Variants in CNTNAP2 observed in about 807,000 individuals in gnomAD.
CNTNAP2 encodes the protein contactin-associated protein-like 2.
CNTNAP2 carries 98 observed loss-of-function variants against 155.2 expected under a neutral mutation model. The ratio of observed to expected loss-of-function variants is 0.63; its 90% CI spans 0.54 to 0.75. The LOEUF is 0.75. Ranked by LOEUF, CNTNAP2 falls within the 30% of genes least tolerant of loss-of-function variation. The pLI, the probability that CNTNAP2 is intolerant of heterozygous loss-of-function variation, is 0.00. For missense variants in CNTNAP2, 1,727 were observed against 1,688.1 expected (o/e 1.02, Z -0.40); for synonymous variants, 651 against 631.2 (o/e 1.03, Z -0.47).
chr7:147,589,442 T>G (rs1422249442), intron 12 of CNTNAP2, among the ~76,000 whole-genome samples: 1 of 152,188 alleles, frequency 6.6e-6, no homozygotes, highest in East Asian at 1.9e-4. Flanking sequence ...GTCAATAATA[T>G]GCTGAACTTA....
At chr7:146,656,537 TTTGTC>T (rs1375516746) in intron 1 of CNTNAP2, among the ~76,000 whole-genome samples, 1 of 152,144 alleles carries the variant, frequency 6.6e-6, no homozygotes. Flanking sequence ...CGGATGAGAT[TTTGTC>T]TTTCCCCAGG....
intron 6 of CNTNAP2, among the ~76,000 whole-genome samples, chr7:147,124,850 C>T (rs1274563475): frequency 6.8e-6 from 1 of 147,690 alleles, no homozygotes. Flanking sequence ...TTTGATGTAA[C>T]TCTATGTGGA....
chr7:147,420,998 A>G (rs1797282644), intron 10 of CNTNAP2, among the ~76,000 whole-genome samples: 1 of 152,204 alleles, frequency 6.6e-6, no homozygotes, highest in South Asian at 2.1e-4. Flanking sequence ...AAGTATTGCA[A>G]TGCAGTCTTC....
chr7:148,388,716 G>T (rs1799275134), intron 22 of CNTNAP2, among the ~76,000 whole-genome samples: 1 of 151,984 alleles, frequency 6.6e-6, no homozygotes, highest in Non-Finnish European at 1.5e-5. Context: ...TTTTGGTGTG[G>T]TTGTCCTTTC....
intron 10 of CNTNAP2, among the ~76,000 whole-genome samples, chr7:147,484,591 G>C (rs766176471): frequency 3.3e-5 from 5 of 152,174 alleles, no homozygotes; most frequent in African/African-American, 4.8e-5. Flanking sequence ...ATCAATGTTT[G>C]TTTCAGGAGT....
At chr7:148,288,341 T>C (rs1479501596) in intron 21 of CNTNAP2, among the ~76,000 whole-genome samples, 1 of 149,366 alleles carries the variant, frequency 6.7e-6, no homozygotes. Flanking sequence ...CTTCGTGATC[T>C]GCCCGCCTCA....
intron 13 of CNTNAP2, among the ~76,000 whole-genome samples, chr7:147,875,076 T>A (rs1698672102): frequency 6.6e-6 from 1 of 152,210 alleles, no homozygotes; most frequent in South Asian, 2.1e-4. Context: ...CCTGTCTTCT[T>A]CTGAGCCTTC....
intron 2 of CNTNAP2, among the ~76,000 whole-genome samples, chr7:146,790,760 A>G (rs570592128): frequency 1.3e-4 from 19 of 151,884 alleles, no homozygotes; most frequent in East Asian, 5.9e-4. Context: ...TAGTAGAGGC[A>G]GGGTTTCACC....
rs189700962 is a variant in CNTNAP2 at position 146,953,589 on chromosome 7, C to G, written c.403-90318C>G. On this transcript the variant is annotated intron_variant, in intron 3 of 23. Coordinates refer to ENST00000361727, the MANE Select transcript of CNTNAP2 (RefSeq NM_014141.6). ...TCGAAATAAGCATAAAACAATACCT[C>G]TTGCATCATATATAATCAAACATTA... Among the ~76,000 whole-genome samples, 37 of 152,052 alleles carry G rather than the reference C, an allele frequency of 2.4e-4. 1 individual carries two copies. The South Asian group carries it at 6.8e-3, about 28-fold the overall frequency.
intron 21 of CNTNAP2, among the ~76,000 whole-genome samples, chr7:148,288,855 C>G (rs578015558): frequency 2.7e-5 from 4 of 146,774 alleles, no homozygotes; most frequent in Admixed American, 1.4e-4. Flanking sequence ...CAACTACATG[C>G]TTGAGGTTGG....
chr7:146,682,727 C>G (rs1005502730), intron 1 of CNTNAP2, among the ~76,000 whole-genome samples: 3 of 152,092 alleles, frequency 2.0e-5, no homozygotes, highest in African/African-American at 7.2e-5. Flanking sequence ...GATTTTTGGT[C>G]AACAGACATT....
chr7:148,138,887 G>A (rs527920417), intron 16 of CNTNAP2, among the ~76,000 whole-genome samples: 1 of 152,152 alleles, frequency 6.6e-6, no homozygotes, highest in Non-Finnish European at 1.5e-5. Flanking sequence ...AAATCATATA[G>A]GCCTATTAAT....
chr7:147,459,033 A>G (rs916216297), intron 10 of CNTNAP2, among the ~76,000 whole-genome samples: 1 of 152,176 alleles, frequency 6.6e-6, no homozygotes, highest in Non-Finnish European at 1.5e-5. Flanking sequence ...TATTACTCTA[A>G]ATAGTGCTAC....
In CNTNAP2 at chr7:148,142,044, A is replaced by G. The variant is rs369615517; in HGVS notation, c.2555-5447A>G. Among the ~76,000 whole-genome samples the G allele has an allele frequency of 4.6e-5, 7 of 152,080 alleles. No individual in the cohort carries two copies. In the South Asian group the frequency reaches 1.0e-3, roughly 23 times the overall value. ...GTAACTTTTGGGATAGATAAGGTCA[A>G]AAGAAAGGTTTTATAGTGCCAGTGG... On this transcript the variant is annotated intron_variant, in intron 16 of 23. Coordinates refer to ENST00000361727, the MANE Select transcript of CNTNAP2 (RefSeq NM_014141.6).
At chr7:147,667,208 A>C (rs1228831547) in intron 13 of CNTNAP2, among the ~76,000 whole-genome samples, 1 of 152,232 alleles carries the variant, frequency 6.6e-6, no homozygotes, top group Non-Finnish European at 1.5e-5. Flanking sequence ...CAGCTGAAGA[A>C]TTTCTGAAAA....
chr7:146,969,019 C>T (rs1298106815), intron 3 of CNTNAP2, among the ~76,000 whole-genome samples: 95 of 149,242 alleles, frequency 6.4e-4, no homozygotes, highest in African/African-American at 2.3e-3. Flanking sequence ...TGTCTTTGTT[C>T]TCGTTGGTTT....
chr7:146,896,645 A>T (rs1393983729), intron 3 of CNTNAP2, among the ~76,000 whole-genome samples: 1 of 152,060 alleles, frequency 6.6e-6, no homozygotes, highest in Admixed American at 6.6e-5. Flanking sequence ...ATTATTTTTA[A>T]TGGCAAAACC....
chr7:147,778,051 A>C (rs1797611799), intron 13 of CNTNAP2, among the ~76,000 whole-genome samples: 1 of 152,140 alleles, frequency 6.6e-6, no homozygotes, highest in Non-Finnish European at 1.5e-5. Context: ...CCATTTGATG[A>C]GATATTTTTA....
chr7:146,133,271 T>C (rs985399599), intron 1 of CNTNAP2, among the ~76,000 whole-genome samples: 13 of 152,276 alleles, frequency 8.5e-5, no homozygotes, highest in African/African-American at 3.1e-4. Flanking sequence ...TTTGTTTTTT[T>C]CTTGTAAATT....
Sources: gnomAD v4.1 joint callset for allele counts (sites outside exome capture counted in the v4.1 genomes callset) on GRCh38, gnomAD v4.1.1 for gene constraint, MANE v1.5 for transcripts, NCBI Gene and HGNC (gene_info 2026-07-23, HGNC 2026-07-21) for gene names.